KDM4C: variants seen among roughly 807,000 people sequenced by gnomAD.
The protein encoded by KDM4C is lysine demethylase 4C.
A neutral mutation model predicts 129.3 loss-of-function variants in KDM4C; 81 were observed. The ratio of observed to expected loss-of-function variants is 0.63; its 90% CI spans 0.52 to 0.75. KDM4C has a LOEUF of 0.75. KDM4C is among the 30% of genes least tolerant of loss of function. The probability of loss-of-function intolerance (pLI) is 0.00; values close to 1 mark genes in which losing one functional copy is unlikely to be tolerated. For missense variants in KDM4C, 1,457 were observed against 1,304.0 expected (o/e 1.12, Z -1.81); for synonymous variants, 573 against 456.1 (o/e 1.26, Z -3.26).
intron 5 of KDM4C, among the ~76,000 whole-genome samples, chr9:6,871,380 A>C (rs556345927): frequency 3.4e-4 from 52 of 152,296 alleles, no homozygotes; most frequent in African/African-American, 1.2e-3. Flanking sequence ...GATATGTTTA[A>C]AGGAATTTTG....
At chr9:6,838,054 C>G (rs1403350250) in intron 4 of KDM4C, among the ~76,000 whole-genome samples, 2 of 152,126 alleles carry the variant, frequency 1.3e-5, no homozygotes, top group African/African-American at 4.8e-5. Context: ...TACTGGTTAA[C>G]TGTTTCTCTT....
chr9:6,858,769 C>A (rs1472077425), intron 5 of KDM4C, among the ~76,000 whole-genome samples: 1 of 121,344 alleles, frequency 8.2e-6, no homozygotes, highest in Non-Finnish European at 1.6e-5. Context: ...GATTTTGTCT[C>A]CCCCCCCGGC....
chr9:6,918,952 A>G (rs1820826130), intron 8 of KDM4C, among the ~76,000 whole-genome samples: 2 of 152,052 alleles, frequency 1.3e-5, no homozygotes, highest in Non-Finnish European at 2.9e-5. Context: ...CCTGGGTTCA[A>G]GCGATTCTCC....
intron 1 of KDM4C, among the ~76,000 whole-genome samples, chr9:6,769,713 TTG>T (rs1821358867): frequency 6.6e-6 from 1 of 152,216 alleles, no homozygotes; most frequent in African/African-American, 2.4e-5. Context: ...CTGAAGGAGT[TTG>T]TGTAGATGGA....
chr9:7,169,933 T>A (rs1430002981), intron 21 of KDM4C, 43 bp downstream of exon 21: 2 of 1,612,250 alleles, frequency 1.2e-6, no homozygotes, highest in African/African-American at 2.7e-5. Context: ...CCAAGTGAAT[T>A]CCTTGTCCTC....
In KDM4C at chr9:7,122,502, C is replaced by T. The variant is rs62532893; in HGVS notation, c.2611-5564C>T. Among the ~76,000 whole-genome samples the T allele has an allele frequency of 3.4e-3, 519 of 152,240 alleles. 2 individuals carry two copies. The highest frequency in any genetic ancestry group is 7.0e-3 in the Admixed American group (107 of 15,292). On this transcript the variant is annotated intron_variant, in intron 18 of 21. Coordinates refer to ENST00000381309, the MANE Select transcript of KDM4C (RefSeq NM_015061.6). ...TGCTCTAGACTACTTCTAAACTGTT[C>T]TGAGATCTTGGAAAAGTCACTTGAC...
intron 8 of KDM4C, among the ~76,000 whole-genome samples, chr9:6,919,521 T>C (rs1452414469): frequency 6.7e-6 from 1 of 148,232 alleles, no homozygotes; most frequent in Non-Finnish European, 1.5e-5. Context: ...ATTTCATCTT[T>C]CAATTTCATC....
At chr9:6,958,496 A>G (rs1233660163) in intron 8 of KDM4C, among the ~76,000 whole-genome samples, 1 of 151,908 alleles carries the variant, frequency 6.6e-6, no homozygotes, top group Non-Finnish European at 1.5e-5. Context: ...CTGAGGCAGG[A>G]TAATTGCTCC....
At chr9:7,048,878 T>C (rs1829774935) in intron 16 of KDM4C, among the ~76,000 whole-genome samples, 1 of 152,028 alleles carries the variant, frequency 6.6e-6, no homozygotes, top group Non-Finnish European at 1.5e-5. Flanking sequence ...CTTTATCAGC[T>C]CTTCATGGCA....
rs370565098 is a variant in KDM4C at position 6,984,223 on chromosome 9, G to T, written c.1173G>T (p.Val391=). 37 of 1,613,778 alleles carry T rather than the reference G, an allele frequency of 2.3e-5. No homozygotes were observed. The highest frequency in any genetic ancestry group is 2.9e-5 in the Non-Finnish European group (34 of 1,179,826). The change falls in exon 10 of 22, where the codon GTG becomes GTT. Residue 391 remains valine, a synonymous_variant. Transcript: ENST00000381309. ...KRPKADEEEE[V]SDEVDGAEVP... ...CTAAGGCTGATGAGGAAGAGGAAGT[G>T]TCAGATGAAGTCGATGGGGCAGAGG...
At chr9:7,107,514 A>G (rs1465711726) in intron 18 of KDM4C, among the ~76,000 whole-genome samples, 1 of 152,218 alleles carries the variant, frequency 6.6e-6, no homozygotes, top group Non-Finnish European at 1.5e-5. Flanking sequence ...GTAAACTTTC[A>G]TATTAGGTTA....
intron 15 of KDM4C, among the ~76,000 whole-genome samples, chr9:7,032,218 C>G (rs752002373): frequency 3.9e-5 from 6 of 152,202 alleles, no homozygotes; most frequent in East Asian, 1.9e-4. Flanking sequence ...GGAGGCACAT[C>G]TCGTAAGAAG....
intron 1 of KDM4C, among the ~76,000 whole-genome samples, chr9:6,785,903 C>A (rs1266056652): frequency 3.9e-5 from 6 of 152,132 alleles, no homozygotes; most frequent in African/African-American, 1.4e-4. Context: ...GATTGAAAGG[C>A]CAGACTCCAT....
chr9:7,103,938 C>T lies in KDM4C; in HGVS notation c.2610+68C>T, dbSNP rs145204166. On this transcript the variant is annotated intron_variant, in intron 18 of 21. Coordinates refer to ENST00000381309, the MANE Select transcript of KDM4C (RefSeq NM_015061.6). ...GATTTTCTCCTGTTTTAGACTACCT[C>T]CCAGACATAATGTGCTTTATTCTGT... The T allele has an allele frequency of 6.4e-4, 883 of 1,376,766 alleles. 1 individual carries two copies. Among genetic ancestry groups the T allele is most frequent in the Non-Finnish European group, 8.7e-4 (853 of 977,184 alleles). 85.3% of individuals were successfully genotyped at this position (1,376,766 alleles called of 1,614,324 possible).
chr9:7,041,438 A>G (rs1294288806), intron 15 of KDM4C, among the ~76,000 whole-genome samples: 1 of 151,792 alleles, frequency 6.6e-6, no homozygotes, highest in African/African-American at 2.4e-5. Flanking sequence ...CTTCCTATTC[A>G]TTTGTCTCTA....
chr9:7,154,367 A>G (rs1179367226), intron 19 of KDM4C, among the ~76,000 whole-genome samples: 1 of 152,360 alleles, frequency 6.6e-6, no homozygotes, highest in Admixed American at 6.5e-5. Context: ...ATGCCGATTA[A>G]CTACTGGGAA....
intron 17 of KDM4C, among the ~76,000 whole-genome samples, chr9:7,064,097 A>G (rs1463764425): frequency 6.6e-6 from 1 of 152,214 alleles, no homozygotes; most frequent in Non-Finnish European, 1.5e-5. Flanking sequence ...TGAAGCAGCT[A>G]CATTTAAAAA....
At chr9:6,888,570 A>G (rs1259973956) in intron 7 of KDM4C, among the ~76,000 whole-genome samples, 1 of 152,214 alleles carries the variant, frequency 6.6e-6, no homozygotes, top group Non-Finnish European at 1.5e-5. Context: ...ATTAGGTTCT[A>G]TAAAACTCAG....
intron 8 of KDM4C, among the ~76,000 whole-genome samples, chr9:6,966,615 A>G (rs1437516771): frequency 2.0e-5 from 3 of 152,024 alleles, no homozygotes; most frequent in Admixed American, 2.0e-4. Context: ...ATGTAGATCT[A>G]GTTCTTGGTT....
Sources: gnomAD v4.1 joint callset for allele counts (sites outside exome capture counted in the v4.1 genomes callset) on GRCh38, gnomAD v4.1.1 for gene constraint, MANE v1.5 for transcripts, NCBI Gene and HGNC (gene_info 2026-07-23, HGNC 2026-07-21) for gene names.